The following KDM4C variants were observed in gnomAD, a reference collection of about 807,000 sequenced individuals.
KDM4C encodes lysine-specific demethylase 4C.
A neutral mutation model predicts 129.3 loss-of-function variants in KDM4C; 81 were observed. The ratio of observed to expected loss-of-function variants is 0.63; its 90% CI spans 0.52 to 0.75. KDM4C has a LOEUF of 0.75. Ranked by LOEUF, KDM4C falls within the 30% of genes least tolerant of loss-of-function variation. The pLI is 0.00. For synonymous variants in KDM4C, 573 were observed against 456.1 expected, an observed-to-expected ratio of 1.26 and a Z score of -3.26; for missense variants, 1,457 against 1,304.0, an observed-to-expected ratio of 1.12 and a Z score of -1.81.
At chr9:6,768,189 G>C (rs530661558) in intron 1 of KDM4C, among the ~76,000 whole-genome samples, 13 of 152,152 alleles carry the variant, frequency 8.5e-5, no homozygotes, top group African/African-American at 3.1e-4. Flanking sequence ...AAACTGGCAA[G>C]AAGAACTAGA....
At chr9:6,960,906 C>T (rs2131597956) in intron 8 of KDM4C, among the ~76,000 whole-genome samples, 1 of 152,268 alleles carries the variant, frequency 6.6e-6, no homozygotes, top group African/African-American at 2.4e-5. Context: ...GCACTACAGT[C>T]TAGTGTGGGA....
At chr9:7,047,917 T>A (rs1034266822) in intron 16 of KDM4C, among the ~76,000 whole-genome samples, 1 of 152,026 alleles carries the variant, frequency 6.6e-6, no homozygotes, top group African/African-American at 2.4e-5. Flanking sequence ...CCTGGTGTAA[T>A]GTAATGGTGG....
intron 7 of KDM4C, among the ~76,000 whole-genome samples, chr9:6,890,905 C>A (rs1846029480): frequency 6.6e-6 from 1 of 152,236 alleles, no homozygotes; most frequent in Non-Finnish European, 1.5e-5. Flanking sequence ...TTGAACCGTG[C>A]TGGGCACTGG....
chr9:7,088,774 T>C (rs1420791358), intron 17 of KDM4C, among the ~76,000 whole-genome samples: 1 of 152,000 alleles, frequency 6.6e-6, no homozygotes, highest in East Asian at 1.9e-4. Context: ...CTCCACAAGC[T>C]GTCAATGGGC....
At chr9:7,122,751 T>G (rs1210777875) in intron 18 of KDM4C, among the ~76,000 whole-genome samples, 2 of 151,384 alleles carry the variant, frequency 1.3e-5, no homozygotes, top group African/African-American at 4.9e-5. Context: ...GGCCCTACCA[T>G]TTTTTAAAAT....
intron 18 of KDM4C, among the ~76,000 whole-genome samples, chr9:7,114,919 A>C (rs1162246939): frequency 3.3e-5 from 5 of 152,058 alleles, no homozygotes; most frequent in Non-Finnish European, 1.5e-5. Flanking sequence ...TCTCTACCAA[A>C]AATACTAAAA....
intron 8 of KDM4C, among the ~76,000 whole-genome samples, chr9:6,980,020 G>T (rs1271915918): frequency 6.6e-6 from 1 of 152,194 alleles, no homozygotes. Context: ...GAGTTAATTT[G>T]CATGGAGGTG....
chr9:7,012,023 C>T, intron 13 of KDM4C, 144 bp downstream of exon 13: 1 of 636,312 alleles, frequency 1.6e-6, no homozygotes, highest in Non-Finnish European at 2.7e-6. Flanking sequence ...TTCATAGAAC[C>T]ACAAACAGTT....
chr9:6,971,380 T>G (rs368616960), intron 8 of KDM4C, among the ~76,000 whole-genome samples: 1 of 152,218 alleles, frequency 6.6e-6, no homozygotes, highest in Non-Finnish European at 1.5e-5. Flanking sequence ...TATGAGGAAA[T>G]GTAGATCATT....
chr9:6,925,168 A>G (rs991309050), intron 8 of KDM4C: 13 of 985,306 alleles, frequency 1.3e-5, no homozygotes, highest in African/African-American at 3.5e-5. Flanking sequence ...AGTCCTTATC[A>G]TCGTGCGTAA....
chr9:7,096,507 C>G (rs891003995), intron 17 of KDM4C, among the ~76,000 whole-genome samples: 6 of 152,130 alleles, frequency 3.9e-5, no homozygotes, highest in Non-Finnish European at 7.3e-5. Context: ...GTGACTTGCC[C>G]TTATTCCTGT....
At chr9:6,948,369 A>G (rs1025208545) in intron 8 of KDM4C, among the ~76,000 whole-genome samples, 1 of 152,062 alleles carries the variant, frequency 6.6e-6, no homozygotes, top group African/African-American at 2.4e-5. Context: ...TCTGAACAGT[A>G]GGATTTCGTT....
intron 2 of KDM4C, among the ~76,000 whole-genome samples, chr9:6,801,563 T>C (rs535157679): frequency 4.6e-5 from 7 of 151,272 alleles, no homozygotes; most frequent in South Asian, 2.1e-4. Context: ...AAAAAAAAGA[T>C]TGGAGGGCAA....
chr9:6,857,932 T>TC (rs1554721737), intron 5 of KDM4C, among the ~76,000 whole-genome samples: 3 of 148,132 alleles, frequency 2.0e-5, no homozygotes, highest in African/African-American at 7.5e-5. Context: ...GTTTTTTTTT[T>TC]TTTTTTTTTT....
chr9:7,131,346 C>G (rs1840614063), intron 19 of KDM4C, among the ~76,000 whole-genome samples: 1 of 152,186 alleles, frequency 6.6e-6, no homozygotes, highest in Admixed American at 6.5e-5. Context: ...CTCACTATTG[C>G]TGACTCTATA....
At chr9:6,845,275 G>A (rs1315429435) in intron 4 of KDM4C, among the ~76,000 whole-genome samples, 2 of 152,122 alleles carry the variant, frequency 1.3e-5, no homozygotes, top group South Asian at 2.1e-4. Context: ...GTGCAGTGGC[G>A]CAATCACTGG....
intron 8 of KDM4C, among the ~76,000 whole-genome samples, chr9:6,972,738 T>A (rs1832213349): frequency 6.6e-6 from 1 of 152,226 alleles, no homozygotes; most frequent in Non-Finnish European, 1.5e-5. Flanking sequence ...GTTGGATACC[T>A]GTTGGGTTTA....
chr9:6,912,448 AG>A (rs1819498099), intron 8 of KDM4C, among the ~76,000 whole-genome samples: 1 of 152,340 alleles, frequency 6.6e-6, no homozygotes, highest in Non-Finnish European at 1.5e-5. Flanking sequence ...GCAGGGTTCC[AG>A]GAAGCTCATA....
chr9:6,914,352 A>C (rs533204052), intron 8 of KDM4C, among the ~76,000 whole-genome samples: 31 of 152,278 alleles, frequency 2.0e-4, no homozygotes, highest in African/African-American at 7.2e-4. Flanking sequence ...GCTTACAGGC[A>C]TGAGCCACTG....
Sources: allele counts gnomAD v4.1 joint callset (sites outside exome capture counted in the v4.1 genomes callset), GRCh38; gene constraint gnomAD v4.1.1; transcripts MANE v1.5; gene names NCBI Gene and HGNC (gene_info 2026-07-23, HGNC 2026-07-21).